ABCC4: variants seen among roughly 807,000 people sequenced by gnomAD.
ABCC4 encodes ATP-binding cassette sub-family C member 4.
Under a neutral mutation model 168.5 loss-of-function variants are expected in ABCC4, and 102 were observed. The ratio of observed to expected loss-of-function variants is 0.61; its 90% CI spans 0.52 to 0.71. The LOEUF (loss-of-function observed/expected upper bound fraction) is 0.71, where lower values mean the gene tolerates loss of function less well. ABCC4 is among the 30% of genes least tolerant of loss of function. The pLI, the probability that ABCC4 is intolerant of heterozygous loss-of-function variation, is 0.00. For synonymous variants in ABCC4, 617 were observed against 590.7 expected (o/e 1.04, Z -0.65); for missense variants, 1,402 against 1,605.8 (o/e 0.87, Z 2.17).
At chr13:95,053,360 G>A (rs749116709) in intron 26 of ABCC4, among the ~76,000 whole-genome samples, 176 bp from the exon 27 acceptor site, 7 of 152,088 alleles carry the variant, frequency 4.6e-5, no homozygotes, top group East Asian at 1.9e-4. Context: ...TGTACAAAGC[G>A]TGCTCCAAAA....
At chr13:95,286,554 T>TG (rs1338563836) in intron 1 of ABCC4, among the ~76,000 whole-genome samples, 1 of 152,096 alleles carries the variant, frequency 6.6e-6, no homozygotes, top group African/African-American at 2.4e-5. Context: ...TCTTCATTTC[T>TG]GGGGGGACTT....
intron 19 of ABCC4, among the ~76,000 whole-genome samples, chr13:95,148,201 A>C (rs140998565): frequency 6.6e-6 from 1 of 152,310 alleles, no homozygotes; most frequent in Non-Finnish European, 1.5e-5. Context: ...TGCTTTTCAT[A>C]TATTGATTCT....
At position 95,186,760 on chromosome 13, in the gene ABCC4, C is replaced by T; in HGVS notation, c.1486G>A (p.Gly496Arg). Reference protein sequence around the residue: ...SGTLRSNILFGKKYEKERYEK... With the variant: ...SGTLRSNILFRKKYEKERYEK... Reference sequence around the variant, plus strand: ...TATCGTTCCTTTTCGTATTTCTTCCCAAATAAAATATTACTCCTCAGAGTT... The same window carrying T: ...TATCGTTCCTTTTCGTATTTCTTCCTAAATAAAATATTACTCCTCAGAGTT... The change falls in exon 11 of 31, where the codon GGG (glycine) becomes AGG (arginine). Residue 496 changes from glycine (G) to arginine (R), a missense_variant. This residue lies in a region of ABCC4 where 1,007 missense variants were observed against 1,127.3 expected (regional missense o/e 0.89). Transcript: ENST00000645237. 6.2e-7 allele frequency: 1 copy of T among 1,614,036 alleles called. No individual in the cohort carries two copies.
intron 19 of ABCC4, among the ~76,000 whole-genome samples, chr13:95,147,400 G>A (rs2139498450): frequency 6.6e-6 from 1 of 152,166 alleles, no homozygotes; most frequent in East Asian, 1.9e-4. Flanking sequence ...TTTCTTCCCA[G>A]GTTGCTTTAA....
At chr13:95,140,899 T>G (rs1436953916) in intron 19 of ABCC4, among the ~76,000 whole-genome samples, 1 of 152,256 alleles carries the variant, frequency 6.6e-6, no homozygotes, top group African/African-American at 2.4e-5. Context: ...AAGCTTTTCA[T>G]GCCTATTATG....
intron 1 of ABCC4, among the ~76,000 whole-genome samples, chr13:95,282,946 C>A (rs933912147): frequency 6.6e-6 from 1 of 152,022 alleles, no homozygotes; most frequent in East Asian, 1.9e-4. Context: ...TGGCCAGGCA[C>A]AGTGGCTCAA....
intron 19 of ABCC4, chr13:95,148,939 G>A (rs1025720287): frequency 3.3e-5 from 5 of 152,276 alleles, no homozygotes; most frequent in Admixed American, 1.3e-4. Flanking sequence ...ACAGCTTCTC[G>A]TGTGTGAAAG....
chr13:95,072,417 C>T (rs1022893687), intron 24 of ABCC4, among the ~76,000 whole-genome samples: 16 of 152,100 alleles, frequency 1.1e-4, no homozygotes, highest in Non-Finnish European at 2.1e-4. Context: ...GCCAAGATCG[C>T]ACTATTGCAC....
intron 21 of ABCC4, among the ~76,000 whole-genome samples, chr13:95,080,538 A>C (rs1278654334): frequency 6.6e-6 from 1 of 152,136 alleles, no homozygotes; most frequent in Admixed American, 6.5e-5. Context: ...CAATGGCACA[A>C]TCTCAGCTCA....
intron 1 of ABCC4, among the ~76,000 whole-genome samples, chr13:95,296,187 A>C (rs909602652): frequency 6.6e-5 from 8 of 120,994 alleles, no homozygotes; most frequent in Admixed American, 1.7e-4. Flanking sequence ...CACACACAAA[A>C]ACACAAAATT....
At chr13:95,111,626 T>G (rs889842594) in intron 20 of ABCC4, among the ~76,000 whole-genome samples, 3 of 152,212 alleles carry the variant, frequency 2.0e-5, no homozygotes, top group Non-Finnish European at 4.4e-5. Flanking sequence ...TGACACCCAC[T>G]TTTAAGTTAC....
intron 20 of ABCC4, among the ~76,000 whole-genome samples, chr13:95,112,462 T>C (rs187170697): frequency 1.3e-5 from 2 of 152,324 alleles, no homozygotes; most frequent in East Asian, 1.9e-4. Flanking sequence ...ACAGTCTTAG[T>C]CTGAATGTTC....
chr13:95,288,023 C>T (rs536271886), intron 1 of ABCC4, among the ~76,000 whole-genome samples: 2 of 151,968 alleles, frequency 1.3e-5, no homozygotes, highest in African/African-American at 4.8e-5. Flanking sequence ...GCCTGGGCAA[C>T]GGAGTGAGAC....
chr13:95,108,347 T>A (rs1276580969), intron 20 of ABCC4, among the ~76,000 whole-genome samples: 2 of 152,188 alleles, frequency 1.3e-5, no homozygotes, highest in African/African-American at 4.8e-5. Flanking sequence ...TAGATATGGT[T>A]TGGCTGTGTC....
chr13:95,061,590 GTGTT>G (rs1436783147), intron 26 of ABCC4, among the ~76,000 whole-genome samples: 12 of 94,920 alleles, frequency 1.3e-4, no homozygotes, highest in Admixed American at 2.3e-4. Flanking sequence ...TCCAGAATAT[GTGTT>G]TGTGTGTGTG....
At chr13:95,161,157 ATACT>A in intron 19 of ABCC4, 28 bp downstream of exon 19, 1 of 1,552,222 alleles carries the variant, frequency 6.4e-7, no homozygotes, top group African/African-American at 1.4e-5. Flanking sequence ...TTAACAAGAC[ATACT>A]TACTGAGAAA....
chr13:95,221,570 A>C (rs985647215), intron 4 of ABCC4, among the ~76,000 whole-genome samples: 2 of 152,108 alleles, frequency 1.3e-5, no homozygotes, highest in Non-Finnish European at 2.9e-5. Flanking sequence ...TTTTTAGTAG[A>C]AAAAGATTAA....
rs141043385 is a variant in ABCC4, at chr13:95,025,247, CCA to C, written c.3871-3567_3871-3566del. On this transcript the variant is annotated intron_variant, in intron 30 of 30. Coordinates refer to ENST00000645237, the MANE Select transcript of ABCC4 (RefSeq NM_005845.5). ...CCCACACACACCCATACACACACAC[CCA>C]CACACACACACACCCCCACACCCCC... Among the ~76,000 whole-genome samples, 72 of 40,432 alleles carry C rather than the reference CCA, an allele frequency of 1.8e-3. 1 individual carries two copies. The highest frequency in any genetic ancestry group is 3.8e-3 in the East Asian group (5 of 1,314). 26.5% of individuals were successfully genotyped at this position (40,432 alleles called of 152,430 possible). A position where few individuals can be genotyped will look rare whatever the true frequency, so the allele number is the denominator to read the frequency against.
intron 9 of ABCC4, among the ~76,000 whole-genome samples, chr13:95,188,832 C>A (rs1014034453): frequency 1.3e-4 from 20 of 152,094 alleles, no homozygotes; most frequent in African/African-American, 4.8e-4. Flanking sequence ...GTAAAAATGA[C>A]AAGACAAGCT....
Sources: allele counts gnomAD v4.1 joint callset (sites outside exome capture counted in the v4.1 genomes callset), GRCh38; gene constraint gnomAD v4.1.1; regional missense constraint gnomAD v4.1.1; transcripts MANE v1.5; gene names NCBI Gene and HGNC (gene_info 2026-07-23, HGNC 2026-07-21).